CNTNAP2: variants seen among roughly 807,000 people sequenced by gnomAD.
CNTNAP2 encodes the protein contactin associated protein 2, also known as contactin-associated protein-like 2.
In CNTNAP2, 98 loss-of-function variants were observed where a neutral mutation model predicts 155.2. The ratio of observed to expected loss-of-function variants is 0.63; its 90% CI spans 0.54 to 0.75. CNTNAP2 has a LOEUF of 0.75. Among genes scored for constraint, CNTNAP2 ranks in the 30% least tolerant of loss-of-function variants. The pLI is 0.00. For missense variants in CNTNAP2, 1,727 were observed against 1,688.1 expected, an observed-to-expected ratio of 1.02 and a Z score of -0.40; for synonymous variants, 651 against 631.2, an observed-to-expected ratio of 1.03 and a Z score of -0.47.
chr7:147,884,343 T>A, intron 13 of CNTNAP2, among the ~76,000 whole-genome samples: 1 of 152,286 alleles, frequency 6.6e-6, no homozygotes, highest in Middle Eastern at 3.4e-3. Flanking sequence ...GAGAGGCAGG[T>A]GGTTTTGATG....
intron 13 of CNTNAP2, among the ~76,000 whole-genome samples, chr7:147,744,640 A>G (rs576080899): frequency 6.6e-6 from 1 of 152,330 alleles, no homozygotes; most frequent in African/African-American, 2.4e-5. Context: ...ACAGTTTTAG[A>G]GGCTAGAAGC....
Position 147,376,037 on chromosome 7 carries a change from G to A in CNTNAP2, c.1499-19572G>A, listed in dbSNP as rs79778200. On this transcript the variant is annotated intron_variant, in intron 9 of 23. Transcript: ENST00000361727. ...GGCTGAGGATAGCTTTTGTGGTTGGGAAGAAGTATGATAATGTGTGGAGTT... is the reference window on the plus strand; with the variant it reads ...GGCTGAGGATAGCTTTTGTGGTTGGAAAGAAGTATGATAATGTGTGGAGTT... 7.6e-3 allele frequency among the ~76,000 whole-genome samples: 1,154 copies of A among 152,118 alleles called. 10 individuals are homozygous for A. Among genetic ancestry groups the A allele is most frequent in the Non-Finnish European group, 0.01 (680 of 67,960 alleles).
chr7:146,348,650 T>C (rs1440805226), intron 1 of CNTNAP2, among the ~76,000 whole-genome samples: 1 of 152,050 alleles, frequency 6.6e-6, no homozygotes, highest in East Asian at 1.9e-4. Context: ...TCACACTTGT[T>C]TGGAATAACA....
intron 3 of CNTNAP2, among the ~76,000 whole-genome samples, chr7:147,031,563 CA>C (rs1200639022): frequency 2.6e-5 from 4 of 152,128 alleles, no homozygotes; most frequent in African/African-American, 9.7e-5. Flanking sequence ...GGAATCTTAA[CA>C]AAATTGTTCT....
intron 1 of CNTNAP2, among the ~76,000 whole-genome samples, chr7:146,305,722 G>T (rs952339095): frequency 6.6e-6 from 1 of 152,114 alleles, no homozygotes; most frequent in African/African-American, 2.4e-5. Context: ...CAACATACCA[G>T]AATCTCTGGG....
chr7:148,338,150 C>A (rs1798154575), intron 21 of CNTNAP2, among the ~76,000 whole-genome samples: 1 of 152,136 alleles, frequency 6.6e-6, no homozygotes. Context: ...GACAGTTTGC[C>A]TTTTCCACAA....
At chr7:147,301,397 T>C (rs1223594876) in intron 9 of CNTNAP2, among the ~76,000 whole-genome samples, 1 of 151,846 alleles carries the variant, frequency 6.6e-6, no homozygotes, top group African/African-American at 2.4e-5. Context: ...CATCTTTTAT[T>C]AGATTATTGT....
intron 8 of CNTNAP2, among the ~76,000 whole-genome samples, chr7:147,254,509 G>C (rs572577384): frequency 2.6e-5 from 4 of 151,704 alleles, no homozygotes; most frequent in African/African-American, 4.8e-5. Context: ...AAACTTTTTT[G>C]GTTGATTTTT....
In CNTNAP2 at chr7:148,365,779, TG is replaced by T. The variant is rs1284740496; in HGVS notation, c.3476-17869del. 1.4e-4 allele frequency among the ~76,000 whole-genome samples: 13 copies of T among 95,968 alleles called. 3 individuals are homozygous for T. Among genetic ancestry groups the T allele is most frequent in the Admixed American group, 3.5e-4 (4 of 11,414 alleles). The allele number at this position is 95,968 out of a possible 152,430, so 63.0% of individuals were successfully genotyped here. ...GTATGTGTATACGTGTATACATGTA[TG>T]TGTATGCATGTATACATGCATGTGT... On this transcript the variant is annotated intron_variant, in intron 21 of 23. Coordinates refer to ENST00000361727, the MANE Select transcript of CNTNAP2 (RefSeq NM_014141.6).
chr7:146,787,503 C>T (rs965238714), intron 2 of CNTNAP2, among the ~76,000 whole-genome samples: 1 of 152,168 alleles, frequency 6.6e-6, no homozygotes, highest in South Asian at 2.1e-4. Context: ...GTTGTTCCTT[C>T]CTTCTGGTGG....
intron 1 of CNTNAP2, among the ~76,000 whole-genome samples, chr7:146,223,635 G>C (rs1799244595): frequency 6.6e-6 from 1 of 152,164 alleles, no homozygotes; most frequent in Non-Finnish European, 1.5e-5. Context: ...CAAACATGGA[G>C]TTACTATCTT....
At chr7:147,339,549 G>T (rs1795724293) in intron 9 of CNTNAP2, among the ~76,000 whole-genome samples, 1 of 152,076 alleles carries the variant, frequency 6.6e-6, no homozygotes, top group African/African-American at 2.4e-5. Context: ...AAATTACTCA[G>T]CCTCAGGTAT....
chr7:147,215,815 A>G (rs1328137238), intron 8 of CNTNAP2, among the ~76,000 whole-genome samples: 3 of 152,150 alleles, frequency 2.0e-5, no homozygotes, highest in Non-Finnish European at 1.5e-5. Context: ...CTGGTAATAA[A>G]TGAGAGTTCC....
intron 1 of CNTNAP2, among the ~76,000 whole-genome samples, chr7:146,758,806 C>G (rs550552680): frequency 6.6e-6 from 1 of 152,082 alleles, no homozygotes; most frequent in African/African-American, 2.4e-5. Context: ...ATCATATCAC[C>G]GCCTACACCT....
chr7:147,358,882 G>C (rs186495582), intron 9 of CNTNAP2, among the ~76,000 whole-genome samples: 30 of 152,134 alleles, frequency 2.0e-4, no homozygotes, highest in Admixed American at 1.1e-3. Flanking sequence ...TGTTAAAGCT[G>C]TTTACTCCTT....
intron 13 of CNTNAP2, among the ~76,000 whole-genome samples, chr7:147,788,664 A>G (rs1265699218): frequency 6.6e-6 from 1 of 151,922 alleles, no homozygotes; most frequent in Admixed American, 6.6e-5. Flanking sequence ...GAAGACTTGT[A>G]TTTTCAACTT....
intron 3 of CNTNAP2, among the ~76,000 whole-genome samples, chr7:146,936,108 T>C (rs1310465191): frequency 6.6e-6 from 1 of 152,134 alleles, no homozygotes; most frequent in African/African-American, 2.4e-5. Flanking sequence ...AAAATGATGG[T>C]AACTGAGAGT....
At chr7:147,137,873 G>GATAGATAGA (rs1801515602) in intron 8 of CNTNAP2, among the ~76,000 whole-genome samples, 6 of 140,024 alleles carry the variant, frequency 4.3e-5, no homozygotes, top group African/African-American at 1.5e-4. Flanking sequence ...AGATAGATAC[G>GATAGATAGA]TAGATAGATA....
At chr7:146,939,458 AT>A (rs990285923) in intron 3 of CNTNAP2, among the ~76,000 whole-genome samples, 1 of 152,160 alleles carries the variant, frequency 6.6e-6, no homozygotes, top group African/African-American at 2.4e-5. Context: ...GGGTTTTTTT[AT>A]TTTTACTTCT....
Sources: allele counts gnomAD v4.1 joint callset (sites outside exome capture counted in the v4.1 genomes callset), GRCh38; gene constraint gnomAD v4.1.1; transcripts MANE v1.5; gene names NCBI Gene and HGNC (gene_info 2026-07-23, HGNC 2026-07-21).